ARHGAP10: variants seen among roughly 807,000 people sequenced by gnomAD.
ARHGAP10 encodes the protein rho GTPase-activating protein 10.
A neutral mutation model predicts 108.6 loss-of-function variants in ARHGAP10; 87 were observed. The ratio of observed to expected loss-of-function variants is 0.80; its 90% CI spans 0.67 to 0.96. ARHGAP10 has a LOEUF of 0.96. Ranked by LOEUF, ARHGAP10 falls within the 40% of genes least tolerant of loss-of-function variation. The probability of loss-of-function intolerance (pLI) is 0.00; values close to 1 mark genes in which losing one functional copy is unlikely to be tolerated. For missense variants in ARHGAP10, 939 were observed against 954.5 expected, an observed-to-expected ratio of 0.98 and a Z score of 0.21; for synonymous variants, 347 against 341.1, an observed-to-expected ratio of 1.02 and a Z score of -0.19.
intron 5 of ARHGAP10, among the ~76,000 whole-genome samples, chr4:147,860,320 C>T (rs4835464): frequency 0.75 from 114,293 of 152,054 alleles, 46,161 homozygotes; most frequent in Non-Finnish European, 0.89. Flanking sequence ...CAGGTGCCTG[C>T]AGTCCCAGCT....
chr4:147,942,134 T>G (rs1738184723), intron 14 of ARHGAP10, among the ~76,000 whole-genome samples: 1 of 152,232 alleles, frequency 6.6e-6, no homozygotes, highest in Admixed American at 6.5e-5. Flanking sequence ...TTAACTTTGC[T>G]TTTTTAAAGC....
chr4:147,887,209 C>G (rs896072397), intron 10 of ARHGAP10, among the ~76,000 whole-genome samples: 2 of 152,110 alleles, frequency 1.3e-5, no homozygotes, highest in Non-Finnish European at 2.9e-5. Context: ...GTTTCCCGCT[C>G]TAGACACCCA....
intron 10 of ARHGAP10, among the ~76,000 whole-genome samples, chr4:147,896,396 G>T (rs1319428765): frequency 6.6e-6 from 1 of 151,942 alleles, no homozygotes; most frequent in Non-Finnish European, 1.5e-5. Context: ...ATGATATTCA[G>T]ATTTTCTATT....
At chr4:147,808,906 T>G (rs1560769822) in intron 1 of ARHGAP10, 1 of 152,252 alleles carries the variant, frequency 6.6e-6, no homozygotes, top group Non-Finnish European at 1.5e-5. Flanking sequence ...CTCTACTTTT[T>G]CCTTTTAAAA....
intron 10 of ARHGAP10, among the ~76,000 whole-genome samples, chr4:147,885,768 C>T (rs1735525171): frequency 6.6e-6 from 1 of 152,140 alleles, no homozygotes; most frequent in African/African-American, 2.4e-5. Context: ...TAAATGTTGC[C>T]ATTTCCTATA....
chr4:148,017,682 A>G (rs111427464), intron 18 of ARHGAP10, among the ~76,000 whole-genome samples: 8,468 of 134,860 alleles, frequency 0.063, 342 homozygotes, highest in Non-Finnish European at 0.094. Flanking sequence ...ATATATATAT[A>G]TGTGTGTGTA....
intron 13 of ARHGAP10, among the ~76,000 whole-genome samples, chr4:147,938,212 A>C (rs185743701): frequency 1.8e-3 from 280 of 151,640 alleles, no homozygotes; most frequent in African/African-American, 6.2e-3. Context: ...GGCCTATGGG[A>C]GGGTGGAGGG....
At chr4:147,803,479 T>G (rs1731661005) in intron 1 of ARHGAP10, among the ~76,000 whole-genome samples, 1 of 152,226 alleles carries the variant, frequency 6.6e-6, no homozygotes. Context: ...TTCTTGTTAT[T>G]TTGAAATATT....
At chr4:147,886,061 G>T (rs772016509) in intron 10 of ARHGAP10, among the ~76,000 whole-genome samples, 1 of 152,154 alleles carries the variant, frequency 6.6e-6, no homozygotes, top group Admixed American at 6.5e-5. Context: ...TTACCTACAG[G>T]CTACAGGTAT....
intron 18 of ARHGAP10, among the ~76,000 whole-genome samples, chr4:147,983,376 A>G (rs779314847): frequency 3.3e-5 from 5 of 151,218 alleles, no homozygotes; most frequent in Non-Finnish European, 7.4e-5. Flanking sequence ...TAGTAGAGAC[A>G]GGGTTTCACC....
In ARHGAP10 at chr4:147,879,347, T is replaced by C. The variant is rs1579152556; in HGVS notation, c.939+9T>C. 1.2e-6 allele frequency: 2 copies of C among 1,607,898 alleles called. No individual in the cohort carries two copies. Among genetic ancestry groups the C allele is most frequent in the African/African-American group, 2.7e-5 (2 of 74,736 alleles). ...GATCTGGAGGGAAACTTGTAAGTAT[T>C]TGATTCAACATAGAATAGATTATAA... On this transcript the variant is annotated intron_variant, in intron 9 of 22. Coordinates refer to ENST00000336498, the MANE Select transcript of ARHGAP10 (RefSeq NM_024605.4).
intron 19 of ARHGAP10, among the ~76,000 whole-genome samples, chr4:148,035,932 G>A (rs997853614): frequency 6.6e-6 from 1 of 152,138 alleles, no homozygotes; most frequent in Admixed American, 6.5e-5. Context: ...TTGGATGGTA[G>A]GGTAGAGTTG....
intron 13 of ARHGAP10, among the ~76,000 whole-genome samples, chr4:147,928,259 T>C (rs774208393): frequency 6.6e-6 from 1 of 152,192 alleles, no homozygotes; most frequent in Non-Finnish European, 1.5e-5. Flanking sequence ...AAGTGAGTAT[T>C]TGCTTTGCAC....
At chr4:148,071,451 A>C (rs992402370) in intron 22 of ARHGAP10, among the ~76,000 whole-genome samples, 1 of 152,202 alleles carries the variant, frequency 6.6e-6, no homozygotes, top group Non-Finnish European at 1.5e-5. Context: ...CCCCATCTCT[A>C]CTAAAAATAC....
At chr4:147,845,906 C>A (rs993854917) in intron 3 of ARHGAP10, among the ~76,000 whole-genome samples, 2 of 152,084 alleles carry the variant, frequency 1.3e-5, no homozygotes, top group African/African-American at 4.8e-5. Flanking sequence ...GCTGGTGGTG[C>A]TTTGTAGGAC....
At chr4:147,932,147 T>C (rs547777074) in intron 13 of ARHGAP10, among the ~76,000 whole-genome samples, 3 of 152,116 alleles carry the variant, frequency 2.0e-5, no homozygotes, top group Non-Finnish European at 4.4e-5. Context: ...ATGGCTATTA[T>C]TAAAAAGTCA....
intron 18 of ARHGAP10, among the ~76,000 whole-genome samples, chr4:148,007,497 A>G (rs1740997079): frequency 6.6e-6 from 1 of 152,156 alleles, no homozygotes; most frequent in Non-Finnish European, 1.5e-5. Context: ...CTTGATGAGG[A>G]TATCTTCTGG....
At chr4:147,938,346 A>C (rs1436890716) in intron 13 of ARHGAP10, among the ~76,000 whole-genome samples, 1 of 152,162 alleles carries the variant, frequency 6.6e-6, no homozygotes, top group African/African-American at 2.4e-5. Context: ...AAACCTGTAC[A>C]TGTACCCCTG....
At chr4:147,787,658 C>T (rs1157999716) in intron 1 of ARHGAP10, among the ~76,000 whole-genome samples, 1 of 152,190 alleles carries the variant, frequency 6.6e-6, no homozygotes, top group Non-Finnish European at 1.5e-5. Flanking sequence ...TCTGAGCCCA[C>T]TGCCTTCGTG....
Sources: allele counts gnomAD v4.1 joint callset (sites outside exome capture counted in the v4.1 genomes callset), GRCh38; gene constraint gnomAD v4.1.1; transcripts MANE v1.5; gene names NCBI Gene and HGNC (gene_info 2026-07-23, HGNC 2026-07-21).